MAP3K2: variants seen among roughly 807,000 people sequenced by gnomAD.
The protein encoded by MAP3K2 is MAP/ERK kinase kinase 2.
A neutral mutation model predicts 80.3 loss-of-function variants in MAP3K2; 24 were observed. The observed-to-expected ratio is 0.30, with a 90% CI of 0.22 to 0.42. MAP3K2 has a LOEUF of 0.42. Among genes scored for constraint, MAP3K2 ranks in the 10% least tolerant of loss-of-function variants. The probability of loss-of-function intolerance (pLI) is 1.00; values close to 1 mark genes in which losing one functional copy is unlikely to be tolerated. For missense variants in MAP3K2, 608 were observed against 750.1 expected (o/e 0.81, Z 2.21); for synonymous variants, 244 against 253.7 (o/e 0.96, Z 0.36).
intron 1 of MAP3K2, among the ~76,000 whole-genome samples, chr2:127,368,200 T>C (rs971160668): frequency 6.6e-6 from 1 of 152,068 alleles, no homozygotes; most frequent in Non-Finnish European, 1.5e-5. Context: ...TGTGCCCCTG[T>C]AGTCCCAGGT....
chr2:127,357,719 T>A (rs6727155), intron 1 of MAP3K2, among the ~76,000 whole-genome samples: 13,651 of 152,206 alleles, frequency 0.09, 801 homozygotes, highest in African/African-American at 0.17. Flanking sequence ...TTTAAAGGGC[T>A]AAGGCTATTC....
Position 127,299,842 on chromosome 2 carries a change from A to G in MAP3K2, c.*7737T>C, listed in dbSNP as rs933441972. The G allele has an allele frequency of 1.3e-5, 2 of 152,104 alleles. No homozygotes were observed. The highest frequency in any genetic ancestry group is 4.8e-5 in the African/African-American group (2 of 41,446). 9.4% of individuals were successfully genotyped at this position (152,104 alleles called of 1,614,324 possible). ...CTCAGAAAGCTTTTATATATATTTAATTATCACAACTAAACAGTACCCTTA... is the reference window on the plus strand; with the variant it reads ...CTCAGAAAGCTTTTATATATATTTAGTTATCACAACTAAACAGTACCCTTA... On this transcript the variant is annotated 3_prime_UTR_variant, in exon 17 of 17. Transcript: ENST00000682094.
intron 12 of MAP3K2, among the ~76,000 whole-genome samples, chr2:127,320,072 T>C (rs1407418588): frequency 6.6e-6 from 1 of 151,812 alleles, no homozygotes; most frequent in Non-Finnish European, 1.5e-5. Context: ...TCTATTTACC[T>C]CCTCCCTTAT....
chr2:127,380,425 A>G (rs918862844), intron 1 of MAP3K2, among the ~76,000 whole-genome samples: 10 of 152,212 alleles, frequency 6.6e-5, no homozygotes, highest in Admixed American at 6.5e-4. Flanking sequence ...GACTAACCAC[A>G]CAAATGGAAA....
At chr2:127,376,648 C>T (rs962654194) in intron 1 of MAP3K2, among the ~76,000 whole-genome samples, 4 of 152,152 alleles carry the variant, frequency 2.6e-5, no homozygotes, top group African/African-American at 9.7e-5. Context: ...TGAGCTGAGC[C>T]CCCAGCTGAC....
intron 1 of MAP3K2, among the ~76,000 whole-genome samples, chr2:127,356,787 C>CTAGGGAAAACTCTTT (rs1486656445): frequency 6.6e-6 from 1 of 152,170 alleles, no homozygotes; most frequent in Non-Finnish European, 1.5e-5. Flanking sequence ...GAAAAGAAAA[C>CTAGGGAAAACTCTTT]TAGGGAAAAC....
At chr2:127,384,219 T>TATATATATATATATAC (rs1193896477) in intron 1 of MAP3K2, among the ~76,000 whole-genome samples, 53 of 150,052 alleles carry the variant, frequency 3.5e-4, no homozygotes, top group African/African-American at 1.2e-3. Flanking sequence ...AATTGATATA[T>TATATATATATATATAC]ATATATATAT....
intron 5 of MAP3K2, among the ~76,000 whole-genome samples, chr2:127,333,664 G>A (rs1354867766): frequency 1.3e-5 from 2 of 152,124 alleles, no homozygotes; most frequent in African/African-American, 4.8e-5. Context: ...TTATCCTAAT[G>A]CCACCCCTAC....
chr2:127,332,543 T>A (rs1303367514), intron 5 of MAP3K2, among the ~76,000 whole-genome samples: 1 of 152,224 alleles, frequency 6.6e-6, no homozygotes, highest in Non-Finnish European at 1.5e-5. Flanking sequence ...GTTCTAAGGT[T>A]ACCTATTACA....
intron 1 of MAP3K2, among the ~76,000 whole-genome samples, chr2:127,382,442 A>G (rs182404958): frequency 6.6e-6 from 1 of 152,344 alleles, no homozygotes; most frequent in African/African-American, 2.4e-5. Context: ...TTTGAAATAC[A>G]TAGTTCCAGG....
At chr2:127,331,252 A>T (rs3755310) in intron 5 of MAP3K2, among the ~76,000 whole-genome samples, 13,752 of 150,792 alleles carry the variant, frequency 0.091, 793 homozygotes, top group African/African-American at 0.17. Flanking sequence ...TCCTTTTTTT[A>T]AAAAAAAAGT....
At chr2:127,361,163 A>T (rs1284051471) in intron 1 of MAP3K2, among the ~76,000 whole-genome samples, 4 of 151,944 alleles carry the variant, frequency 2.6e-5, no homozygotes, top group African/African-American at 9.7e-5. Context: ...AATACAAAAA[A>T]TTAGCTGGGC....
chr2:127,377,615 A>G (rs1687173193), intron 1 of MAP3K2, among the ~76,000 whole-genome samples: 1 of 152,232 alleles, frequency 6.6e-6, no homozygotes, highest in African/African-American at 2.4e-5. Context: ...CTTACCTGTA[A>G]AATCAGAAAA....
chr2:127,354,563 T>C (rs1175437224), intron 1 of MAP3K2, among the ~76,000 whole-genome samples: 1 of 152,100 alleles, frequency 6.6e-6, no homozygotes, highest in Non-Finnish European at 1.5e-5. Flanking sequence ...AGAAAAATTA[T>C]GCTAAACTAA....
intron 1 of MAP3K2, among the ~76,000 whole-genome samples, chr2:127,365,169 T>G (rs1457743608): frequency 7.5e-6 from 1 of 133,302 alleles, no homozygotes; most frequent in Non-Finnish European, 1.6e-5. Flanking sequence ...CTATTTATAA[T>G]GGCTTGCACT....
chr2:127,332,150 TA>T (rs1686271244), intron 5 of MAP3K2, among the ~76,000 whole-genome samples: 1 of 152,224 alleles, frequency 6.6e-6, no homozygotes, highest in South Asian at 2.1e-4. Context: ...AAGCCTGATC[TA>T]CTGATCTACT....
chr2:127,377,442 C>T (rs780645020), intron 1 of MAP3K2, among the ~76,000 whole-genome samples: 5 of 150,898 alleles, frequency 3.3e-5, no homozygotes, highest in Admixed American at 6.6e-5. Context: ...CCAGTGCACA[C>T]ATTCATCACA....
intron 1 of MAP3K2, among the ~76,000 whole-genome samples, chr2:127,359,357 C>G (rs997426911): frequency 6.6e-6 from 1 of 152,050 alleles, no homozygotes; most frequent in African/African-American, 2.4e-5. Context: ...TTCTATAAAC[C>G]TAAAACTGCT....
At chr2:127,365,288 A>G (rs1209972135) in intron 1 of MAP3K2, among the ~76,000 whole-genome samples, 2 of 152,152 alleles carry the variant, frequency 1.3e-5, no homozygotes, top group Admixed American at 1.3e-4. Flanking sequence ...AGAGAGCTTA[A>G]GCAACTTGCT....
Sources: allele counts gnomAD v4.1 joint callset (sites outside exome capture counted in the v4.1 genomes callset), GRCh38; gene constraint gnomAD v4.1.1; transcripts MANE v1.5; gene names NCBI Gene and HGNC (gene_info 2026-07-23, HGNC 2026-07-21).